Variants in DPYD observed in about 807,000 individuals in gnomAD.
The protein encoded by DPYD is dihydropyrimidine dehydrogenase [NADP(+)].
In DPYD, 109 loss-of-function variants were observed where a neutral mutation model predicts 116.2. The observed-to-expected ratio is 0.94, with a 90% CI of 0.80 to 1.10. DPYD has a LOEUF of 1.10. Among genes scored for constraint, DPYD ranks in the 50% least tolerant of loss-of-function variants. DPYD has a pLI of 0.00. For missense variants in DPYD, 1,302 were observed against 1,254.5 expected (o/e 1.04, Z -0.57); for synonymous variants, 440 against 432.0 (o/e 1.02, Z -0.23).
At chr1:97,709,676 C>T (rs944454680) in intron 5 of DPYD, among the ~76,000 whole-genome samples, 2 of 151,670 alleles carry the variant, frequency 1.3e-5, no homozygotes, top group South Asian at 2.1e-4. Flanking sequence ...CCCCAAGTCT[C>T]CTCACCTTCT....
intron 8 of DPYD, among the ~76,000 whole-genome samples, chr1:97,635,671 T>C (rs981151101): frequency 6.6e-6 from 1 of 152,162 alleles, no homozygotes; most frequent in African/African-American, 2.4e-5. Flanking sequence ...ATATTGTACA[T>C]GTAGAGTGTA....
At chr1:97,899,492 CA>C (rs1673254933) in intron 1 of DPYD, among the ~76,000 whole-genome samples, 1 of 151,780 alleles carries the variant, frequency 6.6e-6, no homozygotes, top group Non-Finnish European at 1.5e-5. Context: ...ACCATGAATA[CA>C]ACAACTTCTA....
chr1:97,844,827 G>C (rs945421290), intron 2 of DPYD, among the ~76,000 whole-genome samples: 4 of 152,174 alleles, frequency 2.6e-5, no homozygotes, highest in Non-Finnish European at 5.9e-5. Context: ...CACTGCCCCT[G>C]CAGTCTCAGA....
rs1649457517 is a variant in DPYD at position 97,529,811 on chromosome 1, T to C, written c.1525-13870A>G. On this transcript the variant is annotated intron_variant, in intron 12 of 22. Coordinates refer to ENST00000370192, the MANE Select transcript of DPYD (RefSeq NM_000110.4). Reference sequence around the variant, plus strand: ...TTTCTTTTTTCCCTTTTTCTTTCTTTCCTTTCCTTTTCTTTTTCTCTCTCT... The same window carrying C: ...TTTCTTTTTTCCCTTTTTCTTTCTTCCCTTTCCTTTTCTTTTTCTCTCTCT... Among the ~76,000 whole-genome samples, 5 of 151,494 alleles carry C rather than the reference T, an allele frequency of 3.3e-5. No individual in the cohort carries two copies. In the South Asian group the frequency reaches 1.0e-3, roughly 32 times the overall value.
intron 3 of DPYD, among the ~76,000 whole-genome samples, chr1:97,768,525 G>A (rs1665989328): frequency 6.6e-6 from 1 of 152,126 alleles, no homozygotes; most frequent in South Asian, 2.1e-4. Context: ...TAAGATCTGT[G>A]ATGATAATGT....
chr1:97,390,342 C>T (rs987005305), intron 14 of DPYD, among the ~76,000 whole-genome samples: 1 of 151,960 alleles, frequency 6.6e-6, no homozygotes, highest in East Asian at 1.9e-4. Context: ...CCTAAGACTA[C>T]TGGGATTACA....
intron 3 of DPYD, among the ~76,000 whole-genome samples, chr1:97,789,735 A>C (rs1282808691): frequency 1.3e-5 from 2 of 152,204 alleles, no homozygotes; most frequent in African/African-American, 4.8e-5. Context: ...AACAAAATTA[A>C]GAATAAAATA....
intron 2 of DPYD, among the ~76,000 whole-genome samples, chr1:97,878,842 A>G (rs1213620754): frequency 6.6e-6 from 1 of 151,998 alleles, no homozygotes; most frequent in East Asian, 1.9e-4. Context: ...ACAATGTGAG[A>G]ACTTCTTGGC....
intron 11 of DPYD, among the ~76,000 whole-genome samples, chr1:97,568,746 A>AATACC (rs1652698338): frequency 1.3e-5 from 2 of 152,154 alleles, no homozygotes; most frequent in African/African-American, 4.8e-5. Context: ...AGGAGAAAAT[A>AATACC]GTAACTCATA....
At chr1:97,605,629 A>T (rs1655539898) in intron 8 of DPYD, among the ~76,000 whole-genome samples, 1 of 152,042 alleles carries the variant, frequency 6.6e-6, no homozygotes, top group Admixed American at 6.6e-5. Flanking sequence ...ACCAACTAAT[A>T]TACTACTTCA....
intron 18 of DPYD, 149 bp downstream of exon 18, chr1:97,305,110 A>T: frequency 8.6e-7 from 1 of 1,157,182 alleles, no homozygotes; most frequent in Non-Finnish European, 1.3e-6. Context: ...TTCATATTCA[A>T]TCCGTTCTGT....
chr1:97,272,618 T>G (rs955307944), intron 18 of DPYD, among the ~76,000 whole-genome samples: 8 of 152,166 alleles, frequency 5.3e-5, no homozygotes, highest in Non-Finnish European at 1.2e-4. Flanking sequence ...TGAACACAAT[T>G]GAACTTTGAA....
At chr1:97,460,445 A>G (rs1028633494) in intron 13 of DPYD, among the ~76,000 whole-genome samples, 1 of 152,156 alleles carries the variant, frequency 6.6e-6, no homozygotes, top group Non-Finnish European at 1.5e-5. Context: ...AGATACTGCT[A>G]TCTGAAACCC....
chr1:97,259,988 T>TCA (rs146021079), intron 18 of DPYD, among the ~76,000 whole-genome samples: 6,200 of 152,210 alleles, frequency 0.041, 157 homozygotes, highest in Middle Eastern at 0.11. Context: ...TGAAAGGTCT[T>TCA]CACAAGAAAA....
intron 13 of DPYD, among the ~76,000 whole-genome samples, chr1:97,495,462 A>T (rs540548419): frequency 6.6e-6 from 1 of 152,268 alleles, no homozygotes; most frequent in South Asian, 2.1e-4. Flanking sequence ...AACTTTATTC[A>T]TGTGAACTCA....
At chr1:97,616,142 A>ATT (rs376473393) in intron 8 of DPYD, among the ~76,000 whole-genome samples, 16 of 135,742 alleles carry the variant, frequency 1.2e-4, no homozygotes, top group Admixed American at 1.1e-3. Context: ...CTAATAAATG[A>ATT]TTTTTTTTTT....
intron 14 of DPYD, among the ~76,000 whole-genome samples, chr1:97,448,396 A>G (rs747547398): frequency 1.3e-5 from 2 of 152,186 alleles, no homozygotes; most frequent in African/African-American, 2.4e-5. Context: ...TCAGTTAAAT[A>G]GAGAAAATAA....
chr1:97,882,365 A>G (rs1382859275), intron 2 of DPYD, among the ~76,000 whole-genome samples: 1 of 152,184 alleles, frequency 6.6e-6, no homozygotes, highest in East Asian at 1.9e-4. Context: ...ATACAAGCAC[A>G]CATGAGCACA....
chr1:97,788,279 G>T (rs902058884), intron 3 of DPYD, among the ~76,000 whole-genome samples: 1 of 152,120 alleles, frequency 6.6e-6, no homozygotes, highest in Non-Finnish European at 1.5e-5. Context: ...CACCAGTTTT[G>T]AACCTGGTTT....
Sources: gnomAD v4.1 joint callset for allele counts (sites outside exome capture counted in the v4.1 genomes callset) on GRCh38, gnomAD v4.1.1 for gene constraint, MANE v1.5 for transcripts, NCBI Gene and HGNC (gene_info 2026-07-23, HGNC 2026-07-21) for gene names.